The following COL25A1 variants were observed in gnomAD, a reference collection of about 807,000 sequenced individuals.
The protein encoded by COL25A1 is collagen alpha-1(XXV) chain.
A neutral mutation model predicts 128.4 loss-of-function variants in COL25A1; 103 were observed. The observed-to-expected ratio is 0.80, with a 90% confidence interval of 0.68 to 0.94. The LOEUF is 0.94. Among genes scored for constraint, COL25A1 ranks in the 40% least tolerant of loss-of-function variants. The pLI is 0.00. For missense variants in COL25A1, 745 were observed against 840.0 expected (o/e 0.89, Z 1.40); for synonymous variants, 279 against 277.2 (o/e 1.01, Z -0.06).
At chr4:109,243,390 A>C (rs1780038337) in intron 3 of COL25A1, among the ~76,000 whole-genome samples, 1 of 152,018 alleles carries the variant, frequency 6.6e-6, no homozygotes. Context: ...TAATTAAGCT[A>C]AGAGCTCTGT....
chr4:109,153,796 G>T (rs968291580), intron 3 of COL25A1, among the ~76,000 whole-genome samples: 1 of 152,128 alleles, frequency 6.6e-6, no homozygotes, highest in Non-Finnish European at 1.5e-5. Context: ...TTTTTATTAA[G>T]TGTCTTATTG....
Position 108,817,438 on chromosome 4 carries a change from G to C in COL25A1, c.1924-3C>G. 1 of 1,612,754 alleles carries C rather than the reference G, an allele frequency of 6.2e-7. No homozygotes were observed. The highest frequency in any genetic ancestry group is 8.5e-7 in the Non-Finnish European group (1 of 1,179,032). Reference sequence around the variant, plus strand: ...GGCATGGGTAAGCCATCTGGCCCCTGTTTTAAAGAGAAGAAAAAGAATTCC... The same window carrying C: ...GGCATGGGTAAGCCATCTGGCCCCTCTTTTAAAGAGAAGAAAAAGAATTCC... On this transcript the variant is annotated splice_polypyrimidine_tract_variant and splice_region_variant and intron_variant, in intron 36 of 37. Coordinates refer to ENST00000399132, the MANE Select transcript of COL25A1 (RefSeq NM_198721.4).
chr4:109,023,958 A>G (rs1757998899), intron 5 of COL25A1, among the ~76,000 whole-genome samples: 1 of 152,150 alleles, frequency 6.6e-6, no homozygotes, highest in Non-Finnish European at 1.5e-5. Flanking sequence ...TTTTTAGTTC[A>G]ATGCTTCAGA....
At chr4:109,176,708 C>G (rs1295052880) in intron 3 of COL25A1, among the ~76,000 whole-genome samples, 2 of 152,056 alleles carry the variant, frequency 1.3e-5, no homozygotes, top group Non-Finnish European at 2.9e-5. Context: ...TGAAAGATCT[C>G]AAGATGAGAT....
chr4:108,898,415 T>C (rs1011938834), intron 15 of COL25A1, among the ~76,000 whole-genome samples: 4 of 152,220 alleles, frequency 2.6e-5, no homozygotes, highest in Non-Finnish European at 5.9e-5. Context: ...CATGATGTAG[T>C]AACTTGGTAG....
intron 22 of COL25A1, among the ~76,000 whole-genome samples, chr4:108,861,238 C>A (rs555313634): frequency 6.6e-6 from 1 of 152,312 alleles, no homozygotes; most frequent in South Asian, 2.1e-4. Flanking sequence ...TAGGTAGGAT[C>A]TGCAAAGGCA....
At chr4:108,921,861 C>T (rs1014450384) in intron 11 of COL25A1, among the ~76,000 whole-genome samples, 1 of 152,174 alleles carries the variant, frequency 6.6e-6, no homozygotes, top group Admixed American at 6.5e-5. Context: ...TGTGGTCAGA[C>T]ATTCTCCCTA....
At chr4:109,191,704 A>ATAGC in intron 3 of COL25A1, among the ~76,000 whole-genome samples, 1 of 152,352 alleles carries the variant, frequency 6.6e-6, no homozygotes, top group East Asian at 1.9e-4. Context: ...ACTTATATAT[A>ATAGC]TAGCAATACT....
chr4:109,135,619 C>G (rs1263368213), intron 3 of COL25A1, among the ~76,000 whole-genome samples: 1 of 151,092 alleles, frequency 6.6e-6, no homozygotes, highest in Non-Finnish European at 1.5e-5. Flanking sequence ...CTGGTTCCTC[C>G]CAAACAATTG....
intron 30 of COL25A1, 28 bp downstream of exon 30, chr4:108,844,491 T>C: frequency 8.7e-6 from 14 of 1,613,976 alleles, no homozygotes; most frequent in Non-Finnish European, 1.2e-5. Flanking sequence ...AAATAAGCAA[T>C]TACATTTCAG....
intron 3 of COL25A1, among the ~76,000 whole-genome samples, chr4:109,110,101 T>C (rs1016879925): frequency 2.0e-5 from 3 of 152,178 alleles, no homozygotes; most frequent in African/African-American, 7.2e-5. Context: ...TCATTCTGTA[T>C]GGTTTCAGTC....
chr4:108,875,048 A>G (rs778599004), intron 19 of COL25A1, among the ~76,000 whole-genome samples: 32 of 152,344 alleles, frequency 2.1e-4, no homozygotes, highest in Middle Eastern at 6.8e-3. Flanking sequence ...GATTCCTCAC[A>G]TTGGTGCTGA....
At chr4:109,178,445 G>A (rs1774298986) in intron 3 of COL25A1, among the ~76,000 whole-genome samples, 1 of 152,076 alleles carries the variant, frequency 6.6e-6, no homozygotes, top group Non-Finnish European at 1.5e-5. Context: ...AATAATTTAG[G>A]TATACATTTG....
At chr4:109,187,113 A>C (rs1225939893) in intron 3 of COL25A1, among the ~76,000 whole-genome samples, 2 of 152,146 alleles carry the variant, frequency 1.3e-5, no homozygotes, top group Admixed American at 6.6e-5. Flanking sequence ...AGAAGGGAGA[A>C]TCTACAGAAA....
intron 5 of COL25A1, among the ~76,000 whole-genome samples, chr4:109,029,779 A>G (rs981314622): frequency 6.6e-6 from 1 of 152,190 alleles, no homozygotes; most frequent in African/African-American, 2.4e-5. Flanking sequence ...TAAGAACTCA[A>G]AAACTCAGAA....
chr4:109,121,030 C>A (rs1469456386), intron 3 of COL25A1, among the ~76,000 whole-genome samples: 1 of 152,012 alleles, frequency 6.6e-6, no homozygotes, highest in African/African-American at 2.4e-5. Context: ...TTTTTCCCAT[C>A]TTAATCTATA....
intron 6 of COL25A1, among the ~76,000 whole-genome samples, chr4:109,009,204 T>C (rs762174419): frequency 6.6e-6 from 1 of 152,234 alleles, no homozygotes; most frequent in African/African-American, 2.4e-5. Context: ...CATTGTAATA[T>C]GGCCATTTCA....
chr4:108,834,050 T>C (rs1212408356), intron 31 of COL25A1, among the ~76,000 whole-genome samples: 2 of 152,214 alleles, frequency 1.3e-5, no homozygotes, highest in South Asian at 2.1e-4. Context: ...GAAAAATTCA[T>C]GTGGAATTCT....
chr4:109,212,081 A>G (rs574127297), intron 3 of COL25A1, among the ~76,000 whole-genome samples: 21 of 152,288 alleles, frequency 1.4e-4, no homozygotes, highest in Admixed American at 5.2e-4. Context: ...AAGGGCATTA[A>G]GAATTGGAAG....
Sources: gnomAD v4.1 joint callset for allele counts (sites outside exome capture counted in the v4.1 genomes callset) on GRCh38, gnomAD v4.1.1 for gene constraint, MANE v1.5 for transcripts, NCBI Gene and HGNC (gene_info 2026-07-23, HGNC 2026-07-21) for gene names.